The following KCND3 variants were observed in gnomAD, a reference collection of about 807,000 sequenced individuals.
The protein encoded by KCND3 is A-type voltage-gated potassium channel KCND3.
In KCND3, 9 loss-of-function variants were observed where a neutral mutation model predicts 51.1. That is an observed-to-expected ratio of 0.18 (90% CI 0.11 to 0.31). The LOEUF (loss-of-function observed/expected upper bound fraction) is 0.31, where lower values mean the gene tolerates loss of function less well. Among genes scored for constraint, KCND3 ranks in the 10% least tolerant of loss-of-function variants. The pLI is 1.00. For synonymous variants in KCND3, 349 were observed against 368.0 expected, an observed-to-expected ratio of 0.95 and a Z score of 0.59; for missense variants, 526 against 903.8, an observed-to-expected ratio of 0.58 and a Z score of 5.36.
At chr1:111,923,474 T>C (rs1326052429) in intron 2 of KCND3, among the ~76,000 whole-genome samples, 1 of 152,232 alleles carries the variant, frequency 6.6e-6, no homozygotes, top group East Asian at 1.9e-4. Context: ...TCAGGGAATC[T>C]ATCCCACTGA....
intron 2 of KCND3, among the ~76,000 whole-genome samples, chr1:111,939,580 A>T (rs1404852328): frequency 1.3e-5 from 2 of 152,162 alleles, no homozygotes; most frequent in African/African-American, 4.8e-5. Context: ...GCTGCATAGT[A>T]TTCCATGGTG....
At chr1:111,798,401 C>T (rs767038257) in intron 2 of KCND3, among the ~76,000 whole-genome samples, 7 of 152,156 alleles carry the variant, frequency 4.6e-5, no homozygotes, top group Non-Finnish European at 8.8e-5. Flanking sequence ...TTACCTATTC[C>T]TGTCTTTCCA....
Position 111,957,026 on chromosome 1 carries a change from A to C in KCND3, c.1106+24595T>G, listed in dbSNP as rs193015362. Reference sequence around the variant, plus strand: ...CTATGTTTAAGACAGAACGAGAAGAAGGGCCTGGGGCCTGCAAGACCCAGG... The same window carrying C: ...CTATGTTTAAGACAGAACGAGAAGACGGGCCTGGGGCCTGCAAGACCCAGG... On this transcript the variant is annotated intron_variant, in intron 2 of 7. Transcript: ENST00000302127. Among the ~76,000 whole-genome samples the C allele has an allele frequency of 5.9e-5, 9 of 152,364 alleles. 1 individual carries two copies. In the East Asian group the frequency reaches 1.7e-3, roughly 29 times the overall value.
chr1:111,784,249 TA>T, intron 3 of KCND3, among the ~76,000 whole-genome samples: 1 of 152,292 alleles, frequency 6.6e-6, no homozygotes, highest in East Asian at 1.9e-4. Context: ...ATGTTACCAC[TA>T]GGGGAAACTG....
At chr1:111,874,833 C>T (rs977331230) in intron 2 of KCND3, among the ~76,000 whole-genome samples, 2 of 152,150 alleles carry the variant, frequency 1.3e-5, no homozygotes, top group African/African-American at 2.4e-5. Context: ...CTCACTAGAC[C>T]CCAGGGCCTT....
intron 2 of KCND3, among the ~76,000 whole-genome samples, chr1:111,824,444 C>G (rs192138647): frequency 1.4e-4 from 22 of 152,308 alleles, no homozygotes; most frequent in African/African-American, 5.3e-4. Flanking sequence ...ACACCACTTG[C>G]ATTACTGAAT....
rs563926438 is a variant in KCND3, at chr1:111,833,998, A to C, written c.1107-46892T>G. 3.8e-4 allele frequency among the ~76,000 whole-genome samples: 58 copies of C among 152,326 alleles called. No homozygotes were observed. The East Asian group carries it at 7.5e-3, about 20-fold the overall frequency. ...GGAGTAGATGGAAGATCAGTTATCC[A>C]ATCAGGTATGAAAATCCTTGATAAG... On this transcript the variant is annotated intron_variant, in intron 2 of 7. Transcript: ENST00000302127.
At chr1:111,903,911 T>A (rs191079309) in intron 2 of KCND3, among the ~76,000 whole-genome samples, 10 of 152,234 alleles carry the variant, frequency 6.6e-5, no homozygotes, top group African/African-American at 2.4e-4. Flanking sequence ...GTCTTTCTTA[T>A]CTTACAATGT....
At chr1:111,794,988 T>G (rs1283776077) in intron 2 of KCND3, among the ~76,000 whole-genome samples, 1 of 152,090 alleles carries the variant, frequency 6.6e-6, no homozygotes, top group Non-Finnish European at 1.5e-5. Context: ...AAAGCTATGG[T>G]TTCTGGGGAG....
intron 1 of KCND3, among the ~76,000 whole-genome samples, chr1:111,984,799 C>T (rs1392278802): frequency 6.6e-6 from 1 of 152,124 alleles, no homozygotes; most frequent in Non-Finnish European, 1.5e-5. Flanking sequence ...TCCTCCCTCT[C>T]ATGAGAATAT....
intron 2 of KCND3, among the ~76,000 whole-genome samples, chr1:111,804,141 C>A (rs767157391): frequency 6.6e-6 from 1 of 152,252 alleles, no homozygotes. Flanking sequence ...TTTCCGTCCC[C>A]CAACCCCTGC....
rs147646067 is a variant in KCND3 at position 111,867,207 on chromosome 1, G to A, written c.1107-80101C>T. The stretch of plus-strand genomic sequence containing the variant: ...GGTCCCACCATATAAGCTCTTGCCC[G>A]TCATTTTCTAGGCACATCCTAGGGT... On this transcript the variant is annotated intron_variant, in intron 2 of 7. Transcript: ENST00000302127. Among the ~76,000 whole-genome samples, 97 of 152,208 alleles carry A rather than the reference G, an allele frequency of 6.4e-4. 1 individual carries two copies. The Middle Eastern group carries it at 0.014, about 21-fold the overall frequency.
At position 111,818,924 on chromosome 1, in the gene KCND3, C is replaced by T. The variant is rs188021535; in HGVS notation, c.1107-31818G>A. ...GAAGAGACCCAAGAAAAGAAAGAGG[C>T]CCTGCCTTATCTTTTCTCTCATCCC... On this transcript the variant is annotated intron_variant, in intron 2 of 7. Transcript: ENST00000302127. 2.0e-4 allele frequency among the ~76,000 whole-genome samples: 31 copies of T among 152,318 alleles called. No homozygotes were observed. In the East Asian group the frequency reaches 5.6e-3, roughly 27 times the overall value.
rs181441242 is a variant in KCND3, at chr1:111,908,816, T to C, written c.1106+72805A>G. Among the ~76,000 whole-genome samples, 305 of 151,932 alleles carry C rather than the reference T, an allele frequency of 2.0e-3. 2 individuals are homozygous for C. The highest frequency in any genetic ancestry group is 6.1e-3 in the African/African-American group (253 of 41,428). On this transcript the variant is annotated intron_variant, in intron 2 of 7. Transcript: ENST00000302127. ...CCCCAACTTTGTGGAGGTCTTGCTA[T>C]TGGGGAGACGTGTGTGAAAGGGAGA...
At chr1:111,897,772 G>A (rs1325639622) in intron 2 of KCND3, among the ~76,000 whole-genome samples, 1 of 152,240 alleles carries the variant, frequency 6.6e-6, no homozygotes, top group African/African-American at 2.4e-5. Context: ...GTCACATGGG[G>A]AGAGGGCAGG....
intron 2 of KCND3, among the ~76,000 whole-genome samples, chr1:111,928,475 CA>C (rs1317604821): frequency 2.6e-5 from 4 of 152,198 alleles, no homozygotes; most frequent in Admixed American, 6.5e-5. Flanking sequence ...AAGCAAAGAC[CA>C]GGGGTGGGGC....
intron 2 of KCND3, among the ~76,000 whole-genome samples, chr1:111,965,597 C>CTCTCCAAA (rs750017249): frequency 5.9e-5 from 9 of 152,184 alleles, no homozygotes; most frequent in Non-Finnish European, 1.3e-4. Flanking sequence ...GTGATTTACA[C>CTCTCCAAA]CCTCCTATAA....
chr1:111,901,189 T>C (rs1272903852), intron 2 of KCND3, among the ~76,000 whole-genome samples: 1 of 151,604 alleles, frequency 6.6e-6, no homozygotes, highest in East Asian at 1.9e-4. Flanking sequence ...TAAGGATAAA[T>C]AGTGACATGC....
intron 2 of KCND3, among the ~76,000 whole-genome samples, chr1:111,804,951 C>T (rs1448580555): frequency 1.3e-5 from 2 of 152,204 alleles, no homozygotes; most frequent in Non-Finnish European, 1.5e-5. Context: ...CCACCGCCTT[C>T]CCCACCTCCC....
Sources: allele counts gnomAD v4.1 joint callset (sites outside exome capture counted in the v4.1 genomes callset), GRCh38; gene constraint gnomAD v4.1.1; transcripts MANE v1.5; gene names NCBI Gene and HGNC (gene_info 2026-07-23, HGNC 2026-07-21).